NTN4: variants seen among roughly 807,000 people sequenced by gnomAD.
The protein encoded by NTN4 is netrin-4.
Under a neutral mutation model 73.6 loss-of-function variants are expected in NTN4, and 32 were observed. The ratio of observed to expected loss-of-function variants is 0.44; its 90% confidence interval spans 0.33 to 0.58. The LOEUF (loss-of-function observed/expected upper bound fraction) is 0.58. NTN4 is among the 20% of genes least tolerant of loss of function. The pLI is 0.04. For missense variants in NTN4, 654 were observed against 798.3 expected (o/e 0.82, Z 2.18); for synonymous variants, 258 against 287.5 (o/e 0.90, Z 1.04).
chr12:95,667,448 G>T (rs1269509763), intron 8 of NTN4, among the ~76,000 whole-genome samples: 2 of 151,894 alleles, frequency 1.3e-5, no homozygotes, highest in African/African-American at 4.8e-5. Context: ...TATCTTGGCT[G>T]GTCTCATACT....
intron 3 of NTN4, among the ~76,000 whole-genome samples, chr12:95,721,944 TCA>T (rs1228225340): frequency 2.0e-5 from 3 of 151,978 alleles, no homozygotes; most frequent in Non-Finnish European, 2.9e-5. Context: ...ACACACACAC[TCA>T]CACACAAATT....
At chr12:95,685,220 C>T (rs900040192) in intron 5 of NTN4, among the ~76,000 whole-genome samples, 2 of 152,170 alleles carry the variant, frequency 1.3e-5, no homozygotes, top group African/African-American at 4.8e-5. Flanking sequence ...AATAATATTT[C>T]TCACAGTGGC....
At chr12:95,704,291 A>G (rs1456478920) in intron 5 of NTN4, among the ~76,000 whole-genome samples, 6 of 152,178 alleles carry the variant, frequency 3.9e-5, no homozygotes, top group African/African-American at 1.4e-4. Flanking sequence ...CTTGTTGTTG[A>G]TGGAACCACA....
intron 7 of NTN4, among the ~76,000 whole-genome samples, chr12:95,674,986 A>G (rs2078262159): frequency 6.6e-6 from 1 of 152,218 alleles, no homozygotes; most frequent in African/African-American, 2.4e-5. Context: ...CTGGATTATT[A>G]CAGATTTGGT....
In NTN4 at chr12:95,687,805, T is replaced by C. The variant is rs61479014; in HGVS notation, c.1181-4094A>G. ...GATCTTTATCTTCTTATTTTTGTCT[T>C]TGGGGCCCCAGAACAGTGTCTGGTA... On this transcript the variant is annotated intron_variant, in intron 5 of 9. Transcript: ENST00000343702. Among the ~76,000 whole-genome samples the C allele has an allele frequency of 7.0e-3, 1,060 of 152,252 alleles. 9 individuals are homozygous for C. Among genetic ancestry groups the C allele is most frequent in the African/African-American group, 0.025 (1,019 of 41,526 alleles).
intron 3 of NTN4, among the ~76,000 whole-genome samples, chr12:95,728,180 T>G (rs958389123): frequency 3.9e-5 from 6 of 152,164 alleles, no homozygotes; most frequent in Non-Finnish European, 7.3e-5. Flanking sequence ...CTGTAATAGT[T>G]TTTTGGTGAA....
chr12:95,771,873 T>G (rs191437821), intron 2 of NTN4, among the ~76,000 whole-genome samples: 1 of 152,176 alleles, frequency 6.6e-6, no homozygotes, highest in Non-Finnish European at 1.5e-5. Context: ...TCTCCCTGCT[T>G]GTTTTAGGTC....
Position 95,732,769 on chromosome 12 carries a change from A to C in NTN4, c.864+5097T>G, listed in dbSNP as rs147248432. Among the ~76,000 whole-genome samples the C allele has an allele frequency of 4.0e-3, 609 of 152,334 alleles. 6 individuals are homozygous for C. The highest frequency in any genetic ancestry group is 0.014 in the African/African-American group (578 of 41,584). On this transcript the variant is annotated intron_variant, in intron 3 of 9. Coordinates refer to ENST00000343702, the MANE Select transcript of NTN4 (RefSeq NM_021229.4). ...ATAAAATCTAAAATAAATTTTAAAA[A>C]GAAGATGAAAACTGTAGCTTTAAAT...
At chr12:95,771,771 T>G in intron 2 of NTN4, among the ~76,000 whole-genome samples, 1 of 152,128 alleles carries the variant, frequency 6.6e-6, no homozygotes, top group Non-Finnish European at 1.5e-5. Context: ...CACAGTATTT[T>G]CAAAGTTTTC....
intron 2 of NTN4, among the ~76,000 whole-genome samples, chr12:95,759,779 T>G (rs768880963): frequency 2.0e-5 from 3 of 152,180 alleles, no homozygotes; most frequent in Non-Finnish European, 4.4e-5. Flanking sequence ...GTATATTTTT[T>G]AAATTTCAGA....
intron 5 of NTN4, among the ~76,000 whole-genome samples, chr12:95,704,297 C>A (rs1198031734): frequency 6.6e-6 from 1 of 152,020 alleles, no homozygotes. Context: ...GTTGATGGAA[C>A]CACATACTGA....
At chr12:95,678,638 C>T (rs766399191) in intron 7 of NTN4, among the ~76,000 whole-genome samples, 8 of 151,752 alleles carry the variant, frequency 5.3e-5, no homozygotes, top group African/African-American at 1.7e-4. Context: ...AAAAATGATG[C>T]ATGAGAACTA....
At chr12:95,713,136 C>G (rs1280558365) in intron 4 of NTN4, 76 bp downstream of exon 4, 8 of 1,526,928 alleles carry the variant, frequency 5.2e-6, no homozygotes, top group Non-Finnish European at 6.3e-6. Context: ...TGTTGTATTT[C>G]TAGAGACAAC....
chr12:95,662,238 T>TC (rs559215126), intron 9 of NTN4, among the ~76,000 whole-genome samples: 63 of 145,114 alleles, frequency 4.3e-4, no homozygotes, highest in East Asian at 3.8e-3. Flanking sequence ...TTTCTTTCTT[T>TC]TTTTTTTTTT....
chr12:95,677,747 A>G (rs1418485764), intron 7 of NTN4, among the ~76,000 whole-genome samples: 1 of 152,222 alleles, frequency 6.6e-6, no homozygotes, highest in Non-Finnish European at 1.5e-5. Context: ...AGGAGTGTAA[A>G]CTAGTTCAAC....
intron 5 of NTN4, among the ~76,000 whole-genome samples, chr12:95,699,901 T>C (rs1316936565): frequency 6.6e-6 from 1 of 152,176 alleles, no homozygotes; most frequent in Non-Finnish European, 1.5e-5. Context: ...TTCCATTTTC[T>C]GATTTTCCTT....
intron 2 of NTN4, among the ~76,000 whole-genome samples, chr12:95,770,778 C>T (rs965856623): frequency 1.1e-4 from 16 of 149,202 alleles, no homozygotes; most frequent in African/African-American, 1.8e-4. Context: ...GTAGAAAGCA[C>T]GTGAATATTT....
chr12:95,663,697 G>GTCTT (rs1249197714), intron 9 of NTN4: 20 of 152,118 alleles, frequency 1.3e-4, no homozygotes, highest in African/African-American at 4.8e-4. Context: ...GCAAGTTCCA[G>GTCTT]TCTTTTCTTC....
chr12:95,691,865 C>T (rs1393027383), intron 5 of NTN4, among the ~76,000 whole-genome samples: 1 of 152,092 alleles, frequency 6.6e-6, no homozygotes, highest in Non-Finnish European at 1.5e-5. Flanking sequence ...TATGGCCTGT[C>T]TAGGTGGTAA....
Sources: gnomAD v4.1 joint callset for allele counts (sites outside exome capture counted in the v4.1 genomes callset) on GRCh38, gnomAD v4.1.1 for gene constraint, MANE v1.5 for transcripts, NCBI Gene and HGNC (gene_info 2026-07-23, HGNC 2026-07-21) for gene names.